Variants in ADAD1 observed in about 807,000 individuals in gnomAD.
ADAD1 encodes the protein adenosine deaminase domain containing 1, also known as adenosine deaminase domain-containing protein 1.
ADAD1 carries 46 observed loss-of-function variants against 66.8 expected under a neutral mutation model. The ratio of observed to expected loss-of-function variants is 0.69; its 90% CI spans 0.54 to 0.88. The LOEUF (loss-of-function observed/expected upper bound fraction) is 0.88, where lower values mean the gene tolerates loss of function less well. ADAD1 is among the 40% of genes least tolerant of loss of function. The pLI, the probability that ADAD1 is intolerant of heterozygous loss-of-function variation, is 0.00. For synonymous variants in ADAD1, 248 were observed against 229.4 expected (o/e 1.08, Z -0.73); for missense variants, 617 against 681.8 (o/e 0.91, Z 1.06).
intron 3 of ADAD1, 136 bp from the exon 4 acceptor site, chr4:122,380,855 GT>G (rs1175846779): frequency 3.8e-6 from 3 of 790,628 alleles, no homozygotes; most frequent in East Asian, 5.7e-5. Flanking sequence ...TGCCAAAATT[GT>G]TTAGTAGAAA....
In ADAD1 at chr4:122,383,501, G is replaced by T. The variant is rs559833656; in HGVS notation, c.362-298G>T. ...GACAGATAGTGGAGTGTTTACCATT[G>T]CCAGGCATTATACTAGACACTCACT... On this transcript the variant is annotated intron_variant, in intron 4 of 12. Coordinates refer to ENST00000296513, the MANE Select transcript of ADAD1 (RefSeq NM_139243.4). Among the ~76,000 whole-genome samples the T allele has an allele frequency of 2.0e-5, 3 of 152,206 alleles. No individual in the cohort carries two copies. The South Asian group carries it at 6.2e-4, about 32-fold the overall frequency.
At chr4:122,404,755 A>G (rs1796132297) in intron 7 of ADAD1, among the ~76,000 whole-genome samples, 1 of 152,010 alleles carries the variant, frequency 6.6e-6, no homozygotes, top group Non-Finnish European at 1.5e-5. Context: ...AATTGGGTCT[A>G]TAAGAAGCTA....
rs78386233 is a variant in ADAD1, at chr4:122,410,323, G to A, written c.849-899G>A. 2.1e-3 allele frequency among the ~76,000 whole-genome samples: 323 copies of A among 152,072 alleles called. 4 individuals are homozygous for A. In the East Asian group the frequency reaches 0.044, roughly 21 times the overall value. ...TGTGTTACTTATTCCTGTGCTTGGCGTTTTTACATACTGCTGCTTAATTTT... is the reference window on the plus strand; with the variant it reads ...TGTGTTACTTATTCCTGTGCTTGGCATTTTTACATACTGCTGCTTAATTTT... On this transcript the variant is annotated intron_variant, in intron 8 of 12. Transcript: ENST00000296513.
At chr4:122,393,124 A>G (rs1580752238) in intron 5 of ADAD1, among the ~76,000 whole-genome samples, 1 of 151,136 alleles carries the variant, frequency 6.6e-6, no homozygotes, top group East Asian at 1.9e-4. Context: ...ATTGAAAAGC[A>G]GTTGTAAAGA....
intron 7 of ADAD1, among the ~76,000 whole-genome samples, chr4:122,399,908 C>G (rs1027449672): frequency 2.8e-4 from 42 of 151,760 alleles, no homozygotes; most frequent in Non-Finnish European, 1.5e-4. Flanking sequence ...TTGGATGAAT[C>G]TTTAGGGTGT....
chr4:122,428,714 C>G (rs1006246510), intron 12 of ADAD1, among the ~76,000 whole-genome samples: 1 of 152,092 alleles, frequency 6.6e-6, no homozygotes, highest in Admixed American at 6.6e-5. Context: ...CTAGAGACAG[C>G]AAGTAGATTC....
chr4:122,386,072 T>A (rs1795158530), intron 5 of ADAD1, among the ~76,000 whole-genome samples: 1 of 152,224 alleles, frequency 6.6e-6, no homozygotes, highest in Admixed American at 6.5e-5. Flanking sequence ...ATGGTATTGC[T>A]GGGTCAAATG....
At position 122,415,364 on chromosome 4, in the gene ADAD1, GT is replaced by G; in HGVS notation, c.1250-10del. On this transcript the variant is annotated splice_polypyrimidine_tract_variant and intron_variant, in intron 10 of 12. Coordinates refer to ENST00000296513, the MANE Select transcript of ADAD1 (RefSeq NM_139243.4). ...TTTTAATATTGAACTTGAGTGTTTTGTTTTTGCTTTCTAGGTGATGGGAATT... is the reference window on the plus strand; with the variant it reads ...TTTTAATATTGAACTTGAGTGTTTTGTTTTGCTTTCTAGGTGATGGGAATT... 4.4e-6 allele frequency: 7 copies of G among 1,592,792 alleles called. No homozygotes were observed. The highest frequency in any genetic ancestry group is 6.0e-6 in the Non-Finnish European group (7 of 1,167,990).
intron 5 of ADAD1, 98 bp downstream of exon 5, chr4:122,384,064 A>C: frequency 1.8e-6 from 2 of 1,116,060 alleles, no homozygotes; most frequent in Non-Finnish European, 1.2e-6. Context: ...TGGCAGCTAC[A>C]AGATAGAAGT....
chr4:122,419,814 G>A (rs984076460), intron 11 of ADAD1, among the ~76,000 whole-genome samples: 1 of 152,106 alleles, frequency 6.6e-6, no homozygotes, highest in Non-Finnish European at 1.5e-5. Flanking sequence ...CTAAGAAGGT[G>A]TATAAATAAT....
chr4:122,387,475 C>T (rs1436465460), intron 5 of ADAD1, among the ~76,000 whole-genome samples: 1 of 152,086 alleles, frequency 6.6e-6, no homozygotes, highest in African/African-American at 2.4e-5. Flanking sequence ...AAAATCATGT[C>T]GTCTACAAAC....
chr4:122,398,550 A>G (rs912654990), intron 7 of ADAD1, among the ~76,000 whole-genome samples: 12 of 152,178 alleles, frequency 7.9e-5, no homozygotes, highest in African/African-American at 2.9e-4. Context: ...AGGAGTCTCC[A>G]TACTGTTTTC....
chr4:122,391,182 G>A (rs80172373), intron 5 of ADAD1, among the ~76,000 whole-genome samples: 5,921 of 152,056 alleles, frequency 0.039, 361 homozygotes, highest in African/African-American at 0.13. Flanking sequence ...ATTCTCTCCC[G>A]TGCCTGGAGA....
At chr4:122,417,501 A>G (rs940948635) in intron 11 of ADAD1, among the ~76,000 whole-genome samples, 1 of 152,204 alleles carries the variant, frequency 6.6e-6, no homozygotes, top group African/African-American at 2.4e-5. Context: ...AACGTGACAT[A>G]GCCACATTCA....
chr4:122,396,333 A>G lies in ADAD1; in HGVS notation c.680A>G (p.Tyr227Cys). Residue 227 changes from tyrosine (Y) to cysteine (C), a missense_variant, in exon 7 of 13, where the codon TAC becomes TGC. By Grantham distance (194) the Tyr-to-Cys change is radical. Transcript: ENST00000296513. ...FNQLISNRSE[Y>C]LKYSSSLAAF... ...CAACTAATTTCTAATCGTTCAGAAT[A>G]CCTGAAATATAGCAGTTCATTGGCT... 6.2e-7 allele frequency: 1 copy of G among 1,604,870 alleles called. No homozygotes were observed. Among genetic ancestry groups the G allele is most frequent in the Non-Finnish European group, 8.5e-7 (1 of 1,176,114 alleles).
chr4:122,387,514 T>C (rs1189396909), intron 5 of ADAD1, among the ~76,000 whole-genome samples: 1 of 152,104 alleles, frequency 6.6e-6, no homozygotes, highest in African/African-American at 2.4e-5. Context: ...TCTCTTCTTA[T>C]TTGAATACCT....
intron 7 of ADAD1, among the ~76,000 whole-genome samples, chr4:122,404,482 G>A (rs1796118629): frequency 6.6e-6 from 1 of 152,146 alleles, no homozygotes; most frequent in African/African-American, 2.4e-5. Flanking sequence ...AGGGATGTGT[G>A]TTCAGAGGTA....
chr4:122,383,041 G>A (rs1794980627), intron 4 of ADAD1, among the ~76,000 whole-genome samples: 1 of 152,236 alleles, frequency 6.6e-6, no homozygotes, highest in Non-Finnish European at 1.5e-5. Flanking sequence ...GCCTCCTAAA[G>A]TCTAAATACT....
intron 12 of ADAD1, among the ~76,000 whole-genome samples, chr4:122,427,659 C>T (rs1047841485): frequency 6.6e-6 from 1 of 151,066 alleles, no homozygotes; most frequent in Non-Finnish European, 1.5e-5. Context: ...CTCAGCCTCC[C>T]GAGTAGCTGG....
Sources: allele counts gnomAD v4.1 joint callset (sites outside exome capture counted in the v4.1 genomes callset), GRCh38; gene constraint gnomAD v4.1.1; transcripts MANE v1.5; gene names NCBI Gene and HGNC (gene_info 2026-07-23, HGNC 2026-07-21).